AFF1: variants seen among roughly 807,000 people sequenced by gnomAD.
AFF1 encodes the protein ALF transcription elongation factor 1.
In AFF1, 48 loss-of-function variants were observed where a neutral mutation model predicts 121.7. The ratio of observed to expected loss-of-function variants is 0.39; its 90% CI spans 0.31 to 0.50. The LOEUF (loss-of-function observed/expected upper bound fraction) is 0.50, where lower values mean the gene tolerates loss of function less well. Among genes scored for constraint, AFF1 ranks in the 20% least tolerant of loss-of-function variants. The probability of loss-of-function intolerance (pLI) is 0.76; values close to 1 mark genes in which losing one functional copy is unlikely to be tolerated. For synonymous variants in AFF1, 613 were observed against 563.0 expected, an observed-to-expected ratio of 1.09 and a Z score of -1.26; for missense variants, 1,523 against 1,511.7, an observed-to-expected ratio of 1.01 and a Z score of -0.12.
intron 8 of AFF1, among the ~76,000 whole-genome samples, chr4:87,096,156 TG>T (rs1220155637): frequency 1.8e-4 from 27 of 152,310 alleles, no homozygotes; most frequent in African/African-American, 6.0e-4. Flanking sequence ...GAGGTGTTTT[TG>T]TTTTTTTGGT....
At chr4:86,939,720 G>T (rs1293960480) in intron 1 of AFF1, among the ~76,000 whole-genome samples, 2 of 152,174 alleles carry the variant, frequency 1.3e-5, no homozygotes, top group Non-Finnish European at 2.9e-5. Flanking sequence ...CAGTGAATAT[G>T]TGCAGCCTGG....
Position 87,051,397 on chromosome 4 carries a change from TCTTTTTCTTTC to T in AFF1, c.1059+3814_1059+3824del, listed in dbSNP as rs1174283385. On this transcript the variant is annotated intron_variant, in intron 4 of 20. Coordinates refer to ENST00000395146, the MANE Select transcript of AFF1 (RefSeq NM_001166693.3). ...CCTCACTTTTATCTTTCATCATTCC[TCTTTTTCTTTC>T]CTTTTTCTTTTTTTTTTTTTTAACG... Among the ~76,000 whole-genome samples, 5 of 148,630 alleles carry T rather than the reference TCTTTTTCTTTC, an allele frequency of 3.4e-5. No homozygotes were observed. The South Asian group carries it at 6.3e-4, about 19-fold the overall frequency.
intron 18 of AFF1, 75 bp from the exon 19 acceptor site, chr4:87,132,196 G>C (rs568633673): frequency 6.5e-7 from 1 of 1,546,828 alleles, no homozygotes; most frequent in Admixed American, 1.9e-5. Context: ...TGTTCATTAG[G>C]CTATAAAAGG....
At chr4:87,096,670 C>A (rs1724900504) in intron 8 of AFF1, among the ~76,000 whole-genome samples, 1 of 152,162 alleles carries the variant, frequency 6.6e-6, no homozygotes, top group African/African-American at 2.4e-5. Flanking sequence ...ACCTCAGCCT[C>A]CTGAGTAGCT....
intron 4 of AFF1, among the ~76,000 whole-genome samples, chr4:87,083,243 A>G (rs1222237285): frequency 6.6e-6 from 1 of 152,194 alleles, no homozygotes; most frequent in African/African-American, 2.4e-5. Context: ...AATAATCATT[A>G]TTTGTTTAGC....
chr4:87,054,803 G>T (rs778363455), intron 4 of AFF1, among the ~76,000 whole-genome samples: 1 of 152,168 alleles, frequency 6.6e-6, no homozygotes, highest in Non-Finnish European at 1.5e-5. Flanking sequence ...AGGTTTTTTA[G>T]AGCAGAAGCT....
At chr4:86,938,105 A>G (rs1319761457) in intron 1 of AFF1, among the ~76,000 whole-genome samples, 1 of 152,182 alleles carries the variant, frequency 6.6e-6, no homozygotes, top group Non-Finnish European at 1.5e-5. Flanking sequence ...TAGACCATTA[A>G]CTAATTTTTT....
At chr4:86,943,233 C>T (rs1305190826) in intron 1 of AFF1, among the ~76,000 whole-genome samples, 1 of 152,144 alleles carries the variant, frequency 6.6e-6, no homozygotes, top group Non-Finnish European at 1.5e-5. Context: ...GATTTCTGAG[C>T]TTGTGAGGTC....
chr4:87,034,631 C>A (rs769438377), intron 2 of AFF1, among the ~76,000 whole-genome samples: 16 of 152,138 alleles, frequency 1.1e-4, no homozygotes, highest in Non-Finnish European at 2.1e-4. Flanking sequence ...GGTTTTATGA[C>A]TAATTAATAA....
At chr4:87,010,941 C>T (rs1287780271) in intron 2 of AFF1, among the ~76,000 whole-genome samples, 1 of 151,908 alleles carries the variant, frequency 6.6e-6, no homozygotes, top group East Asian at 1.9e-4. Context: ...CAGCCGGGTG[C>T]GGTGGCGGGC....
At chr4:87,028,214 A>C (rs1728720838) in intron 2 of AFF1, among the ~76,000 whole-genome samples, 1 of 152,118 alleles carries the variant, frequency 6.6e-6, no homozygotes, top group South Asian at 2.1e-4. Context: ...CCATCCATTA[A>C]TGTATTTTTA....
intron 2 of AFF1, among the ~76,000 whole-genome samples, chr4:87,027,294 A>G (rs1578096562): frequency 6.6e-6 from 1 of 152,252 alleles, no homozygotes; most frequent in Admixed American, 6.5e-5. Context: ...TGAAGGTGTT[A>G]GGTAAGTGCT....
intron 2 of AFF1, among the ~76,000 whole-genome samples, chr4:87,003,243 T>G (rs534959488): frequency 1.3e-5 from 2 of 152,258 alleles, no homozygotes; most frequent in South Asian, 4.1e-4. Flanking sequence ...GGTAAATATT[T>G]GCTGTATTAA....
intron 2 of AFF1, among the ~76,000 whole-genome samples, chr4:87,023,269 A>C (rs996350176): frequency 1.3e-5 from 2 of 152,172 alleles, no homozygotes; most frequent in Non-Finnish European, 2.9e-5. Flanking sequence ...AATTCTGTTT[A>C]GTTTTTGTTT....
chr4:87,081,053 T>C (rs936109601), intron 4 of AFF1, among the ~76,000 whole-genome samples: 1 of 151,026 alleles, frequency 6.6e-6, no homozygotes, highest in Non-Finnish European at 1.5e-5. Context: ...AAGAGAAAAA[T>C]ATAAAGCAAA....
intron 2 of AFF1, among the ~76,000 whole-genome samples, chr4:86,968,464 C>T (rs575032172): frequency 4.6e-5 from 7 of 152,184 alleles, no homozygotes; most frequent in African/African-American, 1.2e-4. Flanking sequence ...CATAGACGTT[C>T]GTACAGTTTT....
chr4:86,976,607 G>A (rs1299320561), intron 2 of AFF1, among the ~76,000 whole-genome samples: 1 of 152,126 alleles, frequency 6.6e-6, no homozygotes, highest in African/African-American at 2.4e-5. Context: ...AGACCCCAGG[G>A]CCCTACCAGA....
intron 1 of AFF1, among the ~76,000 whole-genome samples, chr4:86,945,399 A>C (rs1720783598): frequency 7.2e-6 from 1 of 137,996 alleles, no homozygotes; most frequent in South Asian, 2.2e-4. Context: ...ATCACAGCTC[A>C]CTGTAGCCTC....
rs201909014 is a variant in AFF1, at chr4:87,046,126, A to G, written c.39-40A>G. On this transcript the variant is annotated intron_variant, in intron 2 of 20. Transcript: ENST00000395146. ...TGCCTGACAAAACTTGGAGACTGAT[A>G]AATTTTATTGTTTTCATTCTTTTGT... The G allele has an allele frequency of 1.9e-5, 31 of 1,607,236 alleles. No individual in the cohort carries two copies. The Admixed American group carries it at 4.6e-4, about 24-fold the overall frequency.
Sources: allele counts gnomAD v4.1 joint callset (sites outside exome capture counted in the v4.1 genomes callset), GRCh38; gene constraint gnomAD v4.1.1; transcripts MANE v1.5; gene names NCBI Gene and HGNC (gene_info 2026-07-23, HGNC 2026-07-21).